OPCML: variants seen among roughly 807,000 people sequenced by gnomAD.
OPCML encodes opioid binding protein/cell adhesion molecule like, also known as opioid-binding protein/cell adhesion molecule.
Under a neutral mutation model 37.8 loss-of-function variants are expected in OPCML, and 13 were observed. That is an observed-to-expected ratio of 0.34 (90% CI 0.22 to 0.55). The LOEUF (loss-of-function observed/expected upper bound fraction) is 0.55. Among genes scored for constraint, OPCML ranks in the 20% least tolerant of loss-of-function variants. The probability of loss-of-function intolerance (pLI) is 0.91; values close to 1 mark genes in which losing one functional copy is unlikely to be tolerated. For synonymous variants in OPCML, 176 were observed against 168.8 expected (o/e 1.04, Z -0.33); for missense variants, 341 against 435.6 (o/e 0.78, Z 1.93).
At chr11:132,652,460 G>C (rs2077985024) in intron 3 of OPCML, among the ~76,000 whole-genome samples, 1 of 152,066 alleles carries the variant, frequency 6.6e-6, no homozygotes, top group Non-Finnish European at 1.5e-5. Context: ...GCATTGGAGG[G>C]ACTGCAGAAT....
intron 3 of OPCML, among the ~76,000 whole-genome samples, chr11:132,598,867 A>G (rs1446709207): frequency 6.6e-6 from 1 of 152,218 alleles, no homozygotes; most frequent in Non-Finnish European, 1.5e-5. Context: ...CTTTTAAAAA[A>G]TATATTTGGC....
In OPCML at chr11:132,420,049, CAAAT is replaced by C. The variant is rs1380732194; in HGVS notation, c.*140_*143del. 3 of 318,706 alleles carry C rather than the reference CAAAT, an allele frequency of 9.4e-6. No homozygotes were observed. Among genetic ancestry groups the C allele is most frequent in the Non-Finnish European group, 1.7e-5 (3 of 176,010 alleles). The allele number at this position is 318,706 out of a possible 1,614,324, so 19.7% of individuals were successfully genotyped here. ...CAAGCTGGAAATAAAAGCAAACAAA[CAAAT>C]AAACAAAAACAAAAAGAAAACAAAT... On this transcript the variant is annotated 3_prime_UTR_variant, in exon 8 of 8. Coordinates refer to ENST00000524381, the MANE Select transcript of OPCML (RefSeq NM_001012393.5).
chr11:133,420,577 T>C, intron 1 of OPCML: 1 of 985,070 alleles, frequency 1.0e-6, no homozygotes, highest in Non-Finnish European at 1.2e-6. Context: ...TACTCCCTCA[T>C]TAACACTGAA....
intron 2 of OPCML, among the ~76,000 whole-genome samples, chr11:132,668,545 T>C (rs577495327): frequency 1.3e-5 from 2 of 152,306 alleles, no homozygotes; most frequent in East Asian, 3.9e-4. Flanking sequence ...GAATTATACT[T>C]GGTAAATAGT....
At chr11:132,927,920 C>T (rs760825956) in intron 2 of OPCML, among the ~76,000 whole-genome samples, 124 of 151,846 alleles carry the variant, frequency 8.2e-4, no homozygotes, top group Non-Finnish European at 1.7e-3. Context: ...TGTATATAAG[C>T]CCTATGTGCA....
intron 1 of OPCML, among the ~76,000 whole-genome samples, chr11:133,068,460 T>A (rs1481845803): frequency 6.6e-6 from 1 of 152,240 alleles, no homozygotes; most frequent in Non-Finnish European, 1.5e-5. Context: ...GACGCTGCCC[T>A]TCTTCCAGTA....
intron 2 of OPCML, among the ~76,000 whole-genome samples, chr11:132,903,566 T>C (rs1039264140): frequency 5.3e-5 from 8 of 152,114 alleles, no homozygotes; most frequent in East Asian, 1.9e-4. Context: ...CTCCTCCCTT[T>C]TGGAATTCAG....
chr11:133,257,255 T>G (rs1941341166), intron 1 of OPCML, among the ~76,000 whole-genome samples: 1 of 152,212 alleles, frequency 6.6e-6, no homozygotes, highest in South Asian at 2.1e-4. Context: ...GACCTATAAT[T>G]TCAAAACTGT....
At chr11:132,699,380 C>T (rs533472871) in intron 2 of OPCML, among the ~76,000 whole-genome samples, 36 of 152,150 alleles carry the variant, frequency 2.4e-4, no homozygotes, top group African/African-American at 7.7e-4. Context: ...AGACTTTCAA[C>T]ACTTTGTTAG....
At chr11:133,034,876 T>C (rs60410888) in intron 1 of OPCML, among the ~76,000 whole-genome samples, 15,674 of 151,638 alleles carry the variant, frequency 0.1, 1,271 homozygotes, top group East Asian at 0.3. Context: ...GCACCCCTCA[T>C]CCATGCTCTA....
intron 3 of OPCML, among the ~76,000 whole-genome samples, chr11:132,652,675 A>C (rs1941491291): frequency 1.3e-5 from 2 of 152,220 alleles, no homozygotes; most frequent in Admixed American, 1.3e-4. Context: ...ATCTCTGTAA[A>C]GTACTAAATA....
At chr11:132,769,239 TGTTG>T (rs1175291517) in intron 2 of OPCML, among the ~76,000 whole-genome samples, 8 of 137,902 alleles carry the variant, frequency 5.8e-5, no homozygotes, top group African/African-American at 2.1e-4. Context: ...TTGGTTTGTT[TGTTG>T]TTTTTTTTTT....
chr11:133,445,225 C>A (rs1343283691), intron 1 of OPCML, among the ~76,000 whole-genome samples: 7 of 152,102 alleles, frequency 4.6e-5, no homozygotes, highest in Admixed American at 4.6e-4. Context: ...CCACCATAAC[C>A]CATCTACACA....
chr11:132,460,204 T>G (rs1054503869), intron 4 of OPCML, among the ~76,000 whole-genome samples: 3 of 150,488 alleles, frequency 2.0e-5, no homozygotes, highest in African/African-American at 7.5e-5. Flanking sequence ...AGAATATTCT[T>G]AAGTTAAAGT....
chr11:133,180,605 C>A (rs973161792), intron 1 of OPCML, among the ~76,000 whole-genome samples: 2 of 151,962 alleles, frequency 1.3e-5, no homozygotes, highest in Non-Finnish European at 2.9e-5. Flanking sequence ...AGAGTGTCTC[C>A]GGAGAAAGAT....
At chr11:132,925,088 A>G (rs971091100) in intron 2 of OPCML, among the ~76,000 whole-genome samples, 1 of 152,196 alleles carries the variant, frequency 6.6e-6, no homozygotes, top group Non-Finnish European at 1.5e-5. Flanking sequence ...TCATTTCTGT[A>G]ACAGTATTTT....
At chr11:133,305,745 G>A (rs1022430197) in intron 1 of OPCML, among the ~76,000 whole-genome samples, 16 of 152,096 alleles carry the variant, frequency 1.1e-4, no homozygotes, top group Admixed American at 3.3e-4. Context: ...ACCTCCTTCC[G>A]CAGGCGTTCC....
intron 3 of OPCML, among the ~76,000 whole-genome samples, chr11:132,536,245 C>A (rs114049393): frequency 0.015 from 2,335 of 152,298 alleles, 57 homozygotes; most frequent in African/African-American, 0.048. Context: ...CTGTCTCTGA[C>A]CAGTCACAAT....
intron 3 of OPCML, among the ~76,000 whole-genome samples, chr11:132,599,360 A>AAGGAGG (rs1414170764): frequency 8.6e-6 from 1 of 116,408 alleles, no homozygotes; most frequent in Non-Finnish European, 1.6e-5. Flanking sequence ...GAAGGAGGAG[A>AAGGAGG]AGGAGGAGGA....
Sources: gnomAD v4.1 joint callset for allele counts (sites outside exome capture counted in the v4.1 genomes callset) on GRCh38, gnomAD v4.1.1 for gene constraint, MANE v1.5 for transcripts, NCBI Gene and HGNC (gene_info 2026-07-23, HGNC 2026-07-21) for gene names.